The following PDS5A variants were observed in gnomAD, a reference collection of about 807,000 sequenced individuals.
PDS5A encodes sister chromatid cohesion protein PDS5 homolog A.
In PDS5A, 42 loss-of-function variants were observed where a neutral mutation model predicts 167.1. That is an observed-to-expected ratio of 0.25 (90% CI 0.20 to 0.33). The LOEUF (loss-of-function observed/expected upper bound fraction) is 0.33, where lower values mean the gene tolerates loss of function less well. PDS5A is among the 10% of genes least tolerant of loss of function. The probability of loss-of-function intolerance (pLI) is 1.00; values close to 1 mark genes in which losing one functional copy is unlikely to be tolerated. For missense variants in PDS5A, 1,033 were observed against 1,605.9 expected, an observed-to-expected ratio of 0.64 and a Z score of 6.10; for synonymous variants, 553 against 554.6, an observed-to-expected ratio of 1.00 and a Z score of 0.04.
chr4:39,891,420 G>A (rs1042451091), intron 16 of PDS5A, among the ~76,000 whole-genome samples: 36 of 150,934 alleles, frequency 2.4e-4, no homozygotes, highest in Admixed American at 5.9e-4. Context: ...AGGCTGAGGC[G>A]GGCGGATCAC....
intron 11 of PDS5A, among the ~76,000 whole-genome samples, chr4:39,907,107 T>C (rs539005167): frequency 9.9e-5 from 15 of 152,166 alleles, no homozygotes; most frequent in Admixed American, 2.0e-4. Flanking sequence ...TATTCAACTT[T>C]CTGAAACTAT....
In PDS5A at chr4:39,957,587, C is replaced by T. The variant is rs188482789; in HGVS notation, c.138+18853G>A. 1.1e-4 allele frequency among the ~76,000 whole-genome samples: 17 copies of T among 151,792 alleles called. No homozygotes were observed. The East Asian group carries it at 3.3e-3, about 30-fold the overall frequency. On this transcript the variant is annotated intron_variant, in intron 2 of 32. Coordinates refer to ENST00000303538, the MANE Select transcript of PDS5A (RefSeq NM_001100399.2). ...GACCACGAGGTCAGGAGATGGAGAC[C>T]ATCCTGGCTAACACGGTGAAACCCC... is the stretch of plus-strand genomic sequence containing the variant.
chr4:39,912,561 T>C (rs2109688212), intron 9 of PDS5A, among the ~76,000 whole-genome samples: 1 of 152,352 alleles, frequency 6.6e-6, no homozygotes, highest in Non-Finnish European at 1.5e-5. Context: ...GTCAGCGATT[T>C]CTCAGAACCT....
intron 9 of PDS5A, among the ~76,000 whole-genome samples, chr4:39,911,669 A>C (rs548076004): frequency 1.3e-5 from 2 of 151,852 alleles, no homozygotes; most frequent in Non-Finnish European, 2.9e-5. Flanking sequence ...TGTCTCTACT[A>C]AAAATACAAA....
chr4:39,906,550 T>C (rs1478386678), intron 11 of PDS5A, among the ~76,000 whole-genome samples: 2 of 150,896 alleles, frequency 1.3e-5, no homozygotes, highest in Non-Finnish European at 2.9e-5. Flanking sequence ...CATAAAAACT[T>C]AGAATGAGGA....
chr4:39,898,784 G>A lies in PDS5A; in HGVS notation c.1623C>T (p.Thr541=), dbSNP rs1722634127. The part of the protein sequence containing the change: ...NCSAMFGKLM[T]IAKNLPDPGK... Reference sequence around the variant, plus strand: ...GTAAATAAACATACTCACTTGCTATGGTCATCAGTTTTCCAAACATGGCAG... The same window carrying A: ...GTAAATAAACATACTCACTTGCTATAGTCATCAGTTTTCCAAACATGGCAG... Residue 541 remains threonine, a synonymous_variant, in exon 15 of 33, where the codon ACC becomes ACT. Coordinates refer to ENST00000303538, the MANE Select transcript of PDS5A (RefSeq NM_001100399.2). 1.9e-6 allele frequency: 3 copies of A among 1,581,424 alleles called. No homozygotes were observed. The highest frequency in any genetic ancestry group is 1.7e-6 in the Non-Finnish European group (2 of 1,158,496).
At chr4:39,969,666 C>CA (rs1352499321) in intron 2 of PDS5A, among the ~76,000 whole-genome samples, 1 of 149,816 alleles carries the variant, frequency 6.7e-6, no homozygotes, top group Non-Finnish European at 1.5e-5. Flanking sequence ...AACTTGGTCT[C>CA]AAAAAAAAGG....
chr4:39,931,457 G>A (rs1036756972), intron 2 of PDS5A, among the ~76,000 whole-genome samples: 1 of 152,142 alleles, frequency 6.6e-6, no homozygotes, highest in Admixed American at 6.5e-5. Flanking sequence ...TCAAGAGGCT[G>A]TACCTGGTCA....
At chr4:39,882,899 C>T (rs1721082675) in intron 17 of PDS5A, among the ~76,000 whole-genome samples, 1 of 152,144 alleles carries the variant, frequency 6.6e-6, no homozygotes, top group Admixed American at 6.5e-5. Context: ...CTATGCTATA[C>T]AACCACTGTT....
At chr4:39,876,889 G>A (rs1470191501) in intron 19 of PDS5A, 104 bp downstream of exon 19, 5 of 787,834 alleles carry the variant, frequency 6.3e-6, no homozygotes, top group Non-Finnish European at 9.7e-6. Context: ...AATCAAAGTT[G>A]TCTTTCTTCC....
At chr4:39,973,169 G>T in intron 2 of PDS5A, 1 of 1,022,566 alleles carries the variant, frequency 9.8e-7, no homozygotes, top group Non-Finnish European at 1.6e-6. Context: ...ACTGCTTTCT[G>T]GGTAGCCTCT....
At chr4:39,910,987 A>G (rs2109682984) in intron 9 of PDS5A, among the ~76,000 whole-genome samples, 1 of 152,200 alleles carries the variant, frequency 6.6e-6, no homozygotes, top group South Asian at 2.1e-4. Flanking sequence ...CACAAAAATC[A>G]GCCGGGCGTG....
At chr4:39,962,872 G>T (rs1578837110) in intron 2 of PDS5A, among the ~76,000 whole-genome samples, 3 of 152,236 alleles carry the variant, frequency 2.0e-5, no homozygotes, top group East Asian at 3.9e-4. Flanking sequence ...TGAGGCAGGA[G>T]AATCACTTGA....
At chr4:39,935,483 T>C (rs775283842) in intron 2 of PDS5A, among the ~76,000 whole-genome samples, 2 of 152,268 alleles carry the variant, frequency 1.3e-5, no homozygotes, top group Non-Finnish European at 2.9e-5. Context: ...CTGTATGTAC[T>C]GAAAGCTTTT....
At position 39,874,428 on chromosome 4, in the gene PDS5A, T is replaced by C. The variant is rs1279022329; in HGVS notation, c.2154-16A>G. On this transcript the variant is annotated splice_polypyrimidine_tract_variant and intron_variant, in intron 19 of 32. Coordinates refer to ENST00000303538, the MANE Select transcript of PDS5A (RefSeq NM_001100399.2). ...AATTAAGGTCCTGCAAAAAATAATA[T>C]AGTTGTTTTTTTTTCTTAAACCCAT... 4.4e-6 allele frequency: 7 copies of C among 1,606,528 alleles called. No homozygotes were observed. Among genetic ancestry groups the C allele is most frequent in the East Asian group, 2.2e-5 (1 of 44,808 alleles).
At chr4:39,839,622 G>A (rs1172172061) in intron 31 of PDS5A, among the ~76,000 whole-genome samples, 2 of 151,986 alleles carry the variant, frequency 1.3e-5, no homozygotes, top group African/African-American at 2.4e-5. Context: ...GATAGGAAAA[G>A]TTAAGCTACT....
intron 31 of PDS5A, among the ~76,000 whole-genome samples, chr4:39,841,017 A>G (rs997278422): frequency 1.4e-5 from 2 of 143,508 alleles, no homozygotes; most frequent in African/African-American, 2.5e-5. Flanking sequence ...TTGCCTCCCA[A>G]AGTGCACGAT....
chr4:39,964,366 T>C (rs1729779915), intron 2 of PDS5A, among the ~76,000 whole-genome samples: 1 of 152,150 alleles, frequency 6.6e-6, no homozygotes, highest in African/African-American at 2.4e-5. Flanking sequence ...GGGGATGTAT[T>C]TCTCAGCCCT....
At chr4:39,922,877 A>G (rs1725117160) in intron 5 of PDS5A, 129 bp from the exon 6 acceptor site, 2 of 1,136,508 alleles carry the variant, frequency 1.8e-6, no homozygotes, top group African/African-American at 1.6e-5. Context: ...CACTTGAGGG[A>G]CAGTGCCAAT....
Sources: allele counts gnomAD v4.1 joint callset (sites outside exome capture counted in the v4.1 genomes callset), GRCh38; gene constraint gnomAD v4.1.1; transcripts MANE v1.5; gene names NCBI Gene and HGNC (gene_info 2026-07-23, HGNC 2026-07-21).